Variants in VAV2 observed in about 807,000 individuals in gnomAD.
VAV2 encodes guanine nucleotide exchange factor VAV2.
In VAV2, 67 loss-of-function variants were observed where a neutral mutation model predicts 132.5. That is an observed-to-expected ratio of 0.51 (90% confidence interval 0.42 to 0.62). The LOEUF is 0.62. VAV2 is among the 20% of genes least tolerant of loss of function. VAV2 has a pLI of 0.00. For synonymous variants in VAV2, 492 were observed against 443.5 expected (o/e 1.11, Z -1.37); for missense variants, 938 against 1,153.6 (o/e 0.81, Z 2.71).
At position 133,792,334 on chromosome 9, in the gene VAV2, G is replaced by A. The variant is rs1250205449; in HGVS notation, c.1102-465C>T. 3.2e-5 allele frequency among the ~76,000 whole-genome samples: 4 copies of A among 125,522 alleles called. No homozygotes were observed. In the Admixed American group the frequency reaches 3.3e-4, roughly 10 times the overall value. 82.3% of individuals were successfully genotyped at this position (125,522 alleles called of 152,430 possible). On this transcript the variant is annotated intron_variant, in intron 12 of 29. Coordinates refer to ENST00000371850, the MANE Select transcript of VAV2 (RefSeq NM_001134398.2). ...TGTGTGTGTGATTGTGTGTATGTGTGAGTGAGCTGTGCTGGGTGGGGTGCA... is the reference window on the plus strand; with the variant it reads ...TGTGTGTGTGATTGTGTGTATGTGTAAGTGAGCTGTGCTGGGTGGGGTGCA...
At chr9:133,764,586 C>A (rs1833373850) in intron 29 of VAV2, among the ~76,000 whole-genome samples, 2 of 152,060 alleles carry the variant, frequency 1.3e-5, no homozygotes, top group Non-Finnish European at 2.9e-5. Context: ...AATCGGAAAT[C>A]AAATAGAAAT....
chr9:133,781,628 C>G (rs1475018124), intron 19 of VAV2, among the ~76,000 whole-genome samples: 1 of 152,230 alleles, frequency 6.6e-6, no homozygotes, highest in Admixed American at 6.5e-5. Flanking sequence ...CTCGGCAGAG[C>G]CCAGGGGTGA....
chr9:133,869,095 C>T (rs1303255707), intron 2 of VAV2, among the ~76,000 whole-genome samples: 2 of 151,964 alleles, frequency 1.3e-5, no homozygotes, highest in Non-Finnish European at 2.9e-5. Flanking sequence ...CTCCCGGGCT[C>T]AAGCGATTCT....
chr9:133,954,971 TTA>T (rs1841702605), intron 1 of VAV2, among the ~76,000 whole-genome samples: 1 of 152,114 alleles, frequency 6.6e-6, no homozygotes, highest in South Asian at 2.1e-4. Context: ...TTCGTTTTCA[TTA>T]TACTGCTGTT....
rs1372948522 is a variant in VAV2, at chr9:133,991,678, G to A, written c.204+397C>T. ...CTCTTCCACCGGCGTCCGGCCAGGA[G>A]GCGCGAGGCCCAAGGATGCGACCCA... On this transcript the variant is annotated intron_variant, in intron 1 of 29. Coordinates refer to ENST00000371850, the MANE Select transcript of VAV2 (RefSeq NM_001134398.2). This position sits in a 1 kb window ranked among gnomAD's most constrained non-coding sequence, Gnocchi z 4.8. Among the ~76,000 whole-genome samples, 5 of 151,384 alleles carry A rather than the reference G, an allele frequency of 3.3e-5. No homozygotes were observed. Among genetic ancestry groups the A allele is most frequent in the Admixed American group, 6.6e-5 (1 of 15,194 alleles).
chr9:133,772,475 G>A (rs3858098), intron 25 of VAV2, among the ~76,000 whole-genome samples: 6,430 of 152,236 alleles, frequency 0.042, 273 homozygotes, highest in African/African-American at 0.11. Flanking sequence ...CAGAGGTGCC[G>A]AGCGCAAGCC....
At chr9:133,963,522 G>T (rs866846900) in intron 1 of VAV2, among the ~76,000 whole-genome samples, 14 of 152,184 alleles carry the variant, frequency 9.2e-5, no homozygotes, top group Admixed American at 1.3e-4. Context: ...CAGCTCTCAG[G>T]GTGGCTATCC....
At chr9:133,930,538 C>T (rs547271338) in intron 2 of VAV2, among the ~76,000 whole-genome samples, 7 of 152,274 alleles carry the variant, frequency 4.6e-5, no homozygotes, top group Admixed American at 1.3e-4. Context: ...GTGCTGCGTG[C>T]AACAGCTGCC....
intron 4 of VAV2, among the ~76,000 whole-genome samples, chr9:133,832,659 A>G (rs1836309369): frequency 1.3e-5 from 2 of 151,942 alleles, no homozygotes; most frequent in Non-Finnish European, 2.9e-5. Context: ...CCTGAGTTCA[A>G]GTGATTCTCC....
At chr9:133,936,127 C>T (rs536398518) in intron 2 of VAV2, among the ~76,000 whole-genome samples, 39 of 152,252 alleles carry the variant, frequency 2.6e-4, no homozygotes, top group African/African-American at 8.9e-4. Context: ...AGCTGAGTCA[C>T]TTGGGCGAGG....
chr9:133,921,449 C>T (rs1455556869), intron 2 of VAV2, among the ~76,000 whole-genome samples: 8 of 152,146 alleles, frequency 5.3e-5, no homozygotes, highest in Non-Finnish European at 1.0e-4. Flanking sequence ...CTGGGCAACA[C>T]AGCAAGACCC....
In VAV2 at chr9:133,857,512, G is replaced by A. The variant is rs1009366846; in HGVS notation, c.380+3862C>T. ...GCTCCTACCCAGCCATGAAATGAGG[G>A]AGAGATTCTTCAGGGCTGTGGGCTT... On this transcript the variant is annotated intron_variant, in intron 3 of 29. Transcript: ENST00000371850. This position sits in a 1 kb window ranked among gnomAD's most constrained non-coding sequence, Gnocchi z 4.0. Among the ~76,000 whole-genome samples the A allele has an allele frequency of 6.6e-6, 1 of 152,224 alleles. No individual in the cohort carries two copies. Among genetic ancestry groups the A allele is most frequent in the African/African-American group, 2.4e-5 (1 of 41,442 alleles).
At chr9:133,930,962 C>T (rs1043638078) in intron 2 of VAV2, among the ~76,000 whole-genome samples, 1 of 152,142 alleles carries the variant, frequency 6.6e-6, no homozygotes, top group East Asian at 1.9e-4. Context: ...GAATTAAGCC[C>T]GTTTATTGGA....
At chr9:133,795,972 A>G (rs1033473283) in intron 11 of VAV2, among the ~76,000 whole-genome samples, 2 of 152,252 alleles carry the variant, frequency 1.3e-5, no homozygotes, top group African/African-American at 4.8e-5. Context: ...AAGGGAAGGG[A>G]GTGACCGTGA....
chr9:133,832,953 C>G (rs1836320220), intron 4 of VAV2, among the ~76,000 whole-genome samples: 1 of 152,104 alleles, frequency 6.6e-6, no homozygotes, highest in Non-Finnish European at 1.5e-5. Context: ...CCTGCATGGC[C>G]CCTGTGCCCA....
intron 19 of VAV2, among the ~76,000 whole-genome samples, chr9:133,782,333 C>T (rs1030728124): frequency 6.6e-6 from 1 of 151,982 alleles, no homozygotes; most frequent in African/African-American, 2.4e-5. Context: ...GACATGCGAC[C>T]ACGAGAGGGC....
At chr9:133,937,201 T>C (rs1228087280) in intron 2 of VAV2, among the ~76,000 whole-genome samples, 1 of 151,614 alleles carries the variant, frequency 6.6e-6, no homozygotes, top group East Asian at 1.9e-4. Flanking sequence ...TGTGAGACTG[T>C]GTGTGTGTGA....
chr9:133,911,749 G>A (rs536253403), intron 2 of VAV2, among the ~76,000 whole-genome samples: 1 of 152,312 alleles, frequency 6.6e-6, no homozygotes, highest in Middle Eastern at 3.4e-3. Context: ...AAAAGTAAGC[G>A]CATTAAACAA....
chr9:133,765,818 CAA>C (rs1464340207), intron 29 of VAV2, among the ~76,000 whole-genome samples: 4 of 152,128 alleles, frequency 2.6e-5, no homozygotes, highest in African/African-American at 9.7e-5. Flanking sequence ...GAGAAATAGA[CAA>C]ACACACACAC....
Sources: allele counts gnomAD v4.1 joint callset (sites outside exome capture counted in the v4.1 genomes callset), GRCh38; gene constraint gnomAD v4.1.1; non-coding constraint Gnocchi (gnomAD v3.1); transcripts MANE v1.5; gene names NCBI Gene and HGNC (gene_info 2026-07-23, HGNC 2026-07-21).